Variants in PLXNA4 observed in about 807,000 individuals in gnomAD.
PLXNA4 encodes plexin A4, also known as plexin-A4.
In PLXNA4, 44 loss-of-function variants were observed where a neutral mutation model predicts 191.8. The observed-to-expected ratio is 0.23, with a 90% CI of 0.18 to 0.29. The LOEUF is 0.29. Among genes scored for constraint, PLXNA4 ranks in the 10% least tolerant of loss-of-function variants. The pLI is 1.00. For synonymous variants in PLXNA4, 1,082 were observed against 1,009.5 expected (o/e 1.07, Z -1.36); for missense variants, 1,800 against 2,488.8 (o/e 0.72, Z 5.89).
intron 1 of PLXNA4, among the ~76,000 whole-genome samples, chr7:132,562,985 T>TCC (rs1563175152): frequency 3.2e-3 from 24 of 7,564 alleles, no homozygotes; most frequent in East Asian, 6.1e-3. Context: ...TCCTCCTCCT[T>TCC]CTCCTCCTCC....
chr7:132,377,402 C>T (rs1804699807), intron 3 of PLXNA4, among the ~76,000 whole-genome samples: 1 of 145,568 alleles, frequency 6.9e-6, no homozygotes, highest in Non-Finnish European at 1.5e-5. Flanking sequence ...ACACAGTCTT[C>T]TACAAACTCA....
At chr7:132,179,978 C>G in intron 19 of PLXNA4, 57 bp from the exon 20 acceptor site, 1 of 1,532,508 alleles carries the variant, frequency 6.5e-7, no homozygotes, top group Non-Finnish European at 8.8e-7. Flanking sequence ...GCTTTGGCAA[C>G]AGTCCCAAGT....
At chr7:132,554,467 G>T (rs1345544590) in intron 1 of PLXNA4, among the ~76,000 whole-genome samples, 2 of 152,186 alleles carry the variant, frequency 1.3e-5, no homozygotes, top group Non-Finnish European at 2.9e-5. Context: ...CTCCACAGGG[G>T]CAAATCACCT....
intron 2 of PLXNA4, among the ~76,000 whole-genome samples, chr7:132,495,834 T>C (rs562637707): frequency 8.5e-5 from 13 of 152,332 alleles, no homozygotes; most frequent in African/African-American, 3.1e-4. Flanking sequence ...CCTTGGGCTA[T>C]TGGAACTCCC....
At chr7:132,140,909 A>G in intron 29 of PLXNA4, 98 bp from the exon 30 acceptor site, 4 of 1,530,918 alleles carry the variant, frequency 2.6e-6, no homozygotes, top group South Asian at 1.3e-5. Context: ...AGCCTGGGGA[A>G]CTAATAGAAC....
intron 2 of PLXNA4, among the ~76,000 whole-genome samples, chr7:132,583,409 C>T (rs1168536515): frequency 6.6e-6 from 1 of 152,222 alleles, no homozygotes; most frequent in Admixed American, 6.5e-5. Flanking sequence ...CGTCCACTTT[C>T]CCTCCACACC....
chr7:132,140,565 G>T, intron 30 of PLXNA4, 34 bp downstream of exon 30: 1 of 1,606,236 alleles, frequency 6.2e-7, no homozygotes, highest in Non-Finnish European at 8.5e-7. Flanking sequence ...CTCCAGCAAG[G>T]GGCCCTGACT....
chr7:132,130,116 C>T lies in PLXNA4; in HGVS notation c.*363G>A, dbSNP rs1191983490. 1 of 240,594 alleles carries T rather than the reference C, an allele frequency of 4.2e-6. No homozygotes were observed. Among genetic ancestry groups the T allele is most frequent in the Non-Finnish European group, 8.4e-6 (1 of 119,396 alleles). The allele number at this position is 240,594 out of a possible 1,614,324, so 14.9% of individuals were successfully genotyped here. A position where few individuals can be genotyped will look rare whatever the true frequency, so the allele number is the denominator to read the frequency against. The stretch of plus-strand genomic sequence containing the variant: ...AGGTGAAGTAGCAGCACAGAAATGT[C>T]CCCTGTCCCTGGCTCCTCATTCGTT... On this transcript the variant is annotated 3_prime_UTR_variant, in exon 32 of 32. Coordinates refer to ENST00000321063, the MANE Select transcript of PLXNA4 (RefSeq NM_020911.2).
intron 4 of PLXNA4, among the ~76,000 whole-genome samples, chr7:132,244,493 ACT>A (rs1355657738): frequency 1.3e-5 from 2 of 152,050 alleles, no homozygotes; most frequent in Non-Finnish European, 2.9e-5. Context: ...ATTTTTTATG[ACT>A]CTCTTCTGAA....
chr7:132,609,643 T>C (rs1803008864), intron 2 of PLXNA4, among the ~76,000 whole-genome samples: 1 of 152,238 alleles, frequency 6.6e-6, no homozygotes, highest in South Asian at 2.1e-4. Flanking sequence ...ATTATTATCC[T>C]CACTTTATAG....
At chr7:132,303,669 C>G (rs1337281530) in intron 3 of PLXNA4, among the ~76,000 whole-genome samples, 1 of 152,184 alleles carries the variant, frequency 6.6e-6, no homozygotes, top group Admixed American at 6.5e-5. Flanking sequence ...GAAACCACAT[C>G]CCAATCCTGT....
Position 132,174,929 on chromosome 7 carries a change from A to C in PLXNA4, c.3875-9T>G. 2 of 1,613,744 alleles carry C rather than the reference A, an allele frequency of 1.2e-6. No individual in the cohort carries two copies. Among genetic ancestry groups the C allele is most frequent in the Non-Finnish European group, 1.7e-6 (2 of 1,179,684 alleles). On this transcript the variant is annotated splice_polypyrimidine_tract_variant and intron_variant, in intron 20 of 31. Transcript: ENST00000321063. ...CTGCAGCTCGGCAAAGGCTGGCACGAAGAGAAGCCTGTGAGATGGCTGGAT... is the reference window on the plus strand; with the variant it reads ...CTGCAGCTCGGCAAAGGCTGGCACGCAGAGAAGCCTGTGAGATGGCTGGAT...
intron 1 of PLXNA4, among the ~76,000 whole-genome samples, chr7:132,563,102 C>CCTG (rs1445495182): frequency 3.7e-5 from 4 of 107,844 alleles, no homozygotes; most frequent in African/African-American, 1.4e-4. Context: ...TCTTCCTCCT[C>CCTG]CTCCTCTCCC....
intron 29 of PLXNA4, among the ~76,000 whole-genome samples, chr7:132,142,098 G>T (rs1306727361): frequency 6.6e-6 from 1 of 152,178 alleles, no homozygotes; most frequent in African/African-American, 2.4e-5. Flanking sequence ...CAGGAAATCT[G>T]CATTAACAAA....
At chr7:132,571,525 T>C (rs573939505) in intron 1 of PLXNA4, among the ~76,000 whole-genome samples, 1 of 152,236 alleles carries the variant, frequency 6.6e-6, no homozygotes, top group Admixed American at 6.5e-5. Context: ...AATGAATGAA[T>C]GAACAAGTGT....
intron 2 of PLXNA4, among the ~76,000 whole-genome samples, chr7:132,614,623 C>T (rs1186505067): frequency 1.3e-5 from 2 of 152,236 alleles, no homozygotes; most frequent in African/African-American, 2.4e-5. Context: ...AGGCACCAGA[C>T]GCAGGCCCCA....
chr7:132,374,398 C>T (rs1585050526), intron 3 of PLXNA4, among the ~76,000 whole-genome samples: 1 of 152,134 alleles, frequency 6.6e-6, no homozygotes, highest in Non-Finnish European at 1.5e-5. Context: ...GCCTTAATAC[C>T]ACACGACAGG....
At chr7:132,260,472 CATAAAG>C (rs1305091130) in intron 4 of PLXNA4, among the ~76,000 whole-genome samples, 3 of 151,966 alleles carry the variant, frequency 2.0e-5, no homozygotes, top group Non-Finnish European at 4.4e-5. Flanking sequence ...CACATGGGAA[CATAAAG>C]ATAAAGACGG....
At chr7:132,303,441 C>T (rs529537768) in intron 3 of PLXNA4, among the ~76,000 whole-genome samples, 22 of 151,768 alleles carry the variant, frequency 1.4e-4, no homozygotes, top group South Asian at 2.1e-4. Flanking sequence ...TGGCGGTGGG[C>T]GCCTGTAGTC....
Sources: gnomAD v4.1 joint callset for allele counts (sites outside exome capture counted in the v4.1 genomes callset) on GRCh38, gnomAD v4.1.1 for gene constraint, MANE v1.5 for transcripts, NCBI Gene and HGNC (gene_info 2026-07-23, HGNC 2026-07-21) for gene names.